The following ADD3 variants were observed in gnomAD, a reference collection of about 807,000 sequenced individuals.
ADD3 encodes the protein adducin 3.
A neutral mutation model predicts 80.2 loss-of-function variants in ADD3; 25 were observed. The ratio of observed to expected loss-of-function variants is 0.31; its 90% confidence interval spans 0.23 to 0.44. The LOEUF is 0.44. ADD3 is among the 20% of genes least tolerant of loss of function. ADD3 has a pLI of 1.00. For synonymous variants in ADD3, 284 were observed against 289.6 expected, an observed-to-expected ratio of 0.98 and a Z score of 0.20; for missense variants, 829 against 847.5, an observed-to-expected ratio of 0.98 and a Z score of 0.27.
At chr10:110,055,975 G>A (rs1430024090) in intron 1 of ADD3, among the ~76,000 whole-genome samples, 2 of 152,224 alleles carry the variant, frequency 1.3e-5, no homozygotes, top group African/African-American at 2.4e-5. Context: ...TAACGACTAT[G>A]AAATCTTTTG....
chr10:109,997,392 C>T (rs1486723243), intron 1 of ADD3: 1 of 152,166 alleles, frequency 6.6e-6, no homozygotes, highest in Non-Finnish European at 1.5e-5. Flanking sequence ...GCAAGGAATG[C>T]TGTGCAAACA....
chr10:110,123,261 GTTTTAT>G (rs1358443482), intron 9 of ADD3, among the ~76,000 whole-genome samples: 3 of 152,132 alleles, frequency 2.0e-5, no homozygotes, highest in Non-Finnish European at 4.4e-5. Flanking sequence ...TGATATGGTA[GTTTTAT>G]TTTTAATTGT....
At chr10:110,040,697 G>A (rs1439938701) in intron 1 of ADD3, among the ~76,000 whole-genome samples, 1 of 152,120 alleles carries the variant, frequency 6.6e-6, no homozygotes, top group African/African-American at 2.4e-5. Context: ...ATTGAGAGTG[G>A]ACTGAGAGAA....
chr10:110,010,749 A>G (rs1260064725), intron 1 of ADD3, among the ~76,000 whole-genome samples: 2 of 152,204 alleles, frequency 1.3e-5, no homozygotes, highest in Non-Finnish European at 2.9e-5. Context: ...CCAAGGTGAC[A>G]CAGGTTGGTT....
upstream of ADD3, among the ~76,000 whole-genome samples, chr10:110,007,738 G>C (rs1285325469): frequency 6.6e-6 from 1 of 152,120 alleles, no homozygotes; most frequent in Non-Finnish European, 1.5e-5. Flanking sequence ...GGGGCTGCGG[G>C]GGCGGGACCA....
chr10:110,106,894 C>T (rs1387190023), intron 2 of ADD3, among the ~76,000 whole-genome samples: 1 of 151,960 alleles, frequency 6.6e-6, no homozygotes, highest in Non-Finnish European at 1.5e-5. Context: ...TAAATCTTAC[C>T]TAGTAGATTA....
chr10:110,050,318 G>A (rs1857364493), intron 1 of ADD3, among the ~76,000 whole-genome samples: 1 of 151,954 alleles, frequency 6.6e-6, no homozygotes, highest in South Asian at 2.1e-4. Context: ...TTGAATCATG[G>A]GGGCAGTTTC....
upstream of ADD3, among the ~76,000 whole-genome samples, chr10:110,003,095 A>G (rs1220181660): frequency 6.6e-6 from 1 of 152,214 alleles, no homozygotes; most frequent in African/African-American, 2.4e-5. Flanking sequence ...GATTAAATAC[A>G]TAACATTATG....
At chr10:110,027,582 C>T (rs938073250) in intron 1 of ADD3, among the ~76,000 whole-genome samples, 2 of 152,132 alleles carry the variant, frequency 1.3e-5, no homozygotes, top group African/African-American at 4.8e-5. Flanking sequence ...CATCTTAATT[C>T]AGGCTAGCCA....
chr10:110,066,879 GACATT>G (rs1249984370), intron 1 of ADD3, among the ~76,000 whole-genome samples: 1 of 152,128 alleles, frequency 6.6e-6, no homozygotes, highest in Admixed American at 6.5e-5. Flanking sequence ...TCTATATAAT[GACATT>G]ATGTTGAGAG....
intron 1 of ADD3, among the ~76,000 whole-genome samples, chr10:110,032,973 A>T (rs914025544): frequency 2.0e-5 from 3 of 152,254 alleles, no homozygotes; most frequent in African/African-American, 7.2e-5. Context: ...TTTGGCTCTC[A>T]TCCCTAGGCT....
intron 1 of ADD3, among the ~76,000 whole-genome samples, chr10:109,999,971 A>G (rs1187305141): frequency 6.6e-6 from 1 of 150,786 alleles, no homozygotes; most frequent in Non-Finnish European, 1.5e-5. Context: ...CCAGGCTGGA[A>G]TACAATGGTG....
At chr10:110,065,261 C>T (rs1843757653) in intron 1 of ADD3, among the ~76,000 whole-genome samples, 1 of 152,088 alleles carries the variant, frequency 6.6e-6, no homozygotes, top group South Asian at 2.1e-4. Flanking sequence ...CATCTTGTCA[C>T]AGCAATTTGA....
intron 1 of ADD3, among the ~76,000 whole-genome samples, chr10:110,064,349 A>G (rs1843643597): frequency 6.6e-6 from 1 of 152,176 alleles, no homozygotes; most frequent in Admixed American, 6.5e-5. Context: ...TAATTGACAT[A>G]CCAACTCTGA....
chr10:110,097,874 A>G (rs1052724765), intron 1 of ADD3, among the ~76,000 whole-genome samples: 2 of 150,416 alleles, frequency 1.3e-5, no homozygotes, highest in African/African-American at 5.0e-5. Flanking sequence ...TCCCAGGTTC[A>G]CACCATTCTC....
At chr10:110,123,820 C>T (rs1033530667) in intron 9 of ADD3, 197 bp from the exon 10 acceptor site, 7 of 578,986 alleles carry the variant, frequency 1.2e-5, no homozygotes, top group Admixed American at 1.2e-4. Context: ...CTGTTATCAG[C>T]TCTAACTAGG....
At chr10:110,079,730 G>T (rs934688859) in intron 1 of ADD3, among the ~76,000 whole-genome samples, 1 of 151,852 alleles carries the variant, frequency 6.6e-6, no homozygotes, top group Admixed American at 6.6e-5. Flanking sequence ...TAGTAGAGAT[G>T]GGGTTTCACC....
chr10:110,019,868 C>G (rs948020151), intron 1 of ADD3, among the ~76,000 whole-genome samples: 1 of 152,152 alleles, frequency 6.6e-6, no homozygotes, highest in African/African-American at 2.4e-5. Flanking sequence ...GTCCTTGGCT[C>G]TATGTATATG....
intron 1 of ADD3, among the ~76,000 whole-genome samples, chr10:110,023,702 T>A (rs1283715130): frequency 6.6e-6 from 1 of 152,226 alleles, no homozygotes; most frequent in African/African-American, 2.4e-5. Context: ...GAAACTTGAC[T>A]AGTTCTTAAT....
Sources: allele counts gnomAD v4.1 joint callset (sites outside exome capture counted in the v4.1 genomes callset), GRCh38; gene constraint gnomAD v4.1.1; transcripts MANE v1.5; gene names NCBI Gene and HGNC (gene_info 2026-07-23, HGNC 2026-07-21).